Variants in SATB1 observed in about 807,000 individuals in gnomAD.
SATB1 encodes the protein SATB homeobox 1.
SATB1 carries 11 observed loss-of-function variants against 86.9 expected under a neutral mutation model. The ratio of observed to expected loss-of-function variants is 0.13; its 90% CI spans 0.08 to 0.21. SATB1 has a LOEUF of 0.21. Among genes scored for constraint, SATB1 ranks in the 10% least tolerant of loss-of-function variants. The probability of loss-of-function intolerance (pLI) is 1.00; values close to 1 mark genes in which losing one functional copy is unlikely to be tolerated. For missense variants in SATB1, 551 were observed against 937.6 expected (o/e 0.59, Z 5.39); for synonymous variants, 357 against 357.2 (o/e 1.00, Z 0.01).
At chr3:18,350,284 G>T (rs11915193) in intron 10 of SATB1, 2 of 152,422 alleles carry the variant, frequency 1.3e-5, no homozygotes, top group African/African-American at 2.4e-5. Flanking sequence ...ATTTCTTACC[G>T]AATTGCACTA....
rs2125179893 is a variant in SATB1, at chr3:18,424,163, A to T, written c.-561T>A. On this transcript the variant is annotated 5_prime_UTR_variant, in exon 1 of 11. Coordinates refer to ENST00000338745, the MANE Select transcript of SATB1 (RefSeq NM_002971.6). ...CTGCGGACAAGGTCTCCAAAAAGGA[A>T]AAAAGGTCTCTTCGCGTCTCTCCCT... 6.6e-6 allele frequency: 1 copy of T among 152,170 alleles called. No homozygotes were observed. The highest frequency in any genetic ancestry group is 1.9e-4 in the East Asian group (1 of 5,172). The allele number at this position is 152,170 out of a possible 1,614,324, so 9.4% of individuals were successfully genotyped here.
At chr3:18,403,889 T>C (rs904307939) in intron 5 of SATB1, among the ~76,000 whole-genome samples, 17 of 152,072 alleles carry the variant, frequency 1.1e-4, no homozygotes, top group Non-Finnish European at 2.1e-4. Flanking sequence ...TCATACATTC[T>C]AATCTCCCAC....
At chr3:18,426,186 C>T (rs1245603019), upstream of SATB1, among the ~76,000 whole-genome samples, 1 of 152,158 alleles carries the variant, frequency 6.6e-6, no homozygotes, top group Non-Finnish European at 1.5e-5. The surrounding 1 kb of genome is among the most constrained non-coding windows in gnomAD (Gnocchi z 4.2). Flanking sequence ...TGTTTATCCT[C>T]TAAGGAGGGT....
chr3:18,404,246 G>C (rs1321531373), intron 5 of SATB1, among the ~76,000 whole-genome samples: 2 of 152,138 alleles, frequency 1.3e-5, no homozygotes, highest in East Asian at 3.9e-4. Context: ...TATTCTGTTT[G>C]TGCTTGTCAG....
In SATB1 at chr3:18,345,641, AG is replaced by A. The variant is rs1694014808; in HGVS notation, c.*3528del. 6.6e-6 allele frequency: 1 copy of A among 152,122 alleles called. No homozygotes were observed. Among genetic ancestry groups the A allele is most frequent in the Non-Finnish European group, 1.5e-5 (1 of 67,974 alleles). 9.4% of individuals were successfully genotyped at this position (152,122 alleles called of 1,614,324 possible). On this transcript the variant is annotated 3_prime_UTR_variant, in exon 11 of 11. Coordinates refer to ENST00000338745, the MANE Select transcript of SATB1 (RefSeq NM_002971.6). Reference sequence around the variant, plus strand: ...GTCAAAAATATGCATAAAGAAGACTAGTATTGATATTTTCTGATATTTTAGA... The same window carrying A: ...GTCAAAAATATGCATAAAGAAGACTATATTGATATTTTCTGATATTTTAGA...
At chr3:18,422,899 T>A (rs931276723) in intron 1 of SATB1, among the ~76,000 whole-genome samples, 2 of 152,230 alleles carry the variant, frequency 1.3e-5, no homozygotes, top group African/African-American at 4.8e-5. Context: ...ACATTATAAT[T>A]TAATGTATTG....
Position 18,347,142 on chromosome 3 carries a change from T to C in SATB1, c.*2028A>G, listed in dbSNP as rs1694096578. 6.6e-6 allele frequency: 1 copy of C among 152,126 alleles called. No individual in the cohort carries two copies. Among genetic ancestry groups the C allele is most frequent in the Admixed American group, 6.5e-5 (1 of 15,270 alleles). 9.4% of individuals were successfully genotyped at this position (152,126 alleles called of 1,614,324 possible). The stretch of plus-strand genomic sequence containing the variant: ...CAAGTTCAACACTAAAGCAGCCCAG[T>C]TGCCTACCAATAAGCTCATCAGGGC... On this transcript the variant is annotated 3_prime_UTR_variant, in exon 11 of 11. Transcript: ENST00000338745.
At chr3:18,439,799 T>C (rs1699189829), upstream of SATB1, among the ~76,000 whole-genome samples, 1 of 152,194 alleles carries the variant, frequency 6.6e-6, no homozygotes, top group South Asian at 2.1e-4. Context: ...GTTCTGGAAT[T>C]CAACTTTAAC....
Position 18,352,014 on chromosome 3 carries a change from T to C in SATB1, c.1757A>G (p.His586Arg), listed in dbSNP as rs986905164. The change falls in exon 10 of 11, where the codon CAT becomes CGT. Residue 586 changes from histidine to arginine, a missense_variant. His to Arg is a conservative substitution (Grantham distance 29). Around this residue, in one of 8 missense-constraint regions of SATB1, gnomAD observed 87 missense variants for 103.6 expected, o/e 0.84. Transcript: ENST00000338745. The surrounding 1 kb of genome is among the most constrained non-coding windows in gnomAD (Gnocchi z 4.1). ...AACCTGAATCTGCTCTGCTGGAACA[T>C]GGATAATGTGGGGCGGCCTGTCGCC... ...HHGDRPPHII[H>R]VPAEQIQQQQ... 1 of 1,614,220 alleles carries C rather than the reference T, an allele frequency of 6.2e-7. No individual in the cohort carries two copies. The highest frequency in any genetic ancestry group is 8.5e-7 in the Non-Finnish European group (1 of 1,180,034).
intron 2 of SATB1, among the ~76,000 whole-genome samples, chr3:18,417,955 A>T (rs2125165193): frequency 6.6e-6 from 1 of 152,292 alleles, no homozygotes; most frequent in Middle Eastern, 3.4e-3. Flanking sequence ...CACCGGCCAC[A>T]CTACTATTAG....
At chr3:18,440,574 GTAAA>G (rs1699215573), upstream of SATB1, among the ~76,000 whole-genome samples, 1 of 152,106 alleles carries the variant, frequency 6.6e-6, no homozygotes, top group South Asian at 2.1e-4. Flanking sequence ...TTAATGCAGC[GTAAA>G]TAAACAGTAG....
intron 9 of SATB1, among the ~76,000 whole-genome samples, chr3:18,366,615 C>G (rs1695200614): frequency 6.6e-6 from 1 of 152,138 alleles, no homozygotes; most frequent in African/African-American, 2.4e-5. Flanking sequence ...AAACCAAGCC[C>G]ATTCCCCAAT....
intron 5 of SATB1, among the ~76,000 whole-genome samples, chr3:18,407,584 T>G (rs1452446326): frequency 1.3e-5 from 2 of 152,030 alleles, no homozygotes; most frequent in African/African-American, 4.8e-5. Flanking sequence ...GAGACATTGG[T>G]ACTATTATCT....
At chr3:18,442,215 T>C (rs1250977497), upstream of SATB1, among the ~76,000 whole-genome samples, 1 of 151,982 alleles carries the variant, frequency 6.6e-6, no homozygotes, top group Non-Finnish European at 1.5e-5. Flanking sequence ...AAGGAGGTAG[T>C]ACTTTAGGAG....
At chr3:18,411,198 T>C (rs1697815774) in intron 5 of SATB1, 3 of 322,992 alleles carry the variant, frequency 9.3e-6, no homozygotes, top group Non-Finnish European at 1.7e-5. Flanking sequence ...CTTAAAGATA[T>C]CTTTTCCAGG....
At chr3:18,367,498 G>A (rs975981355) in intron 9 of SATB1, among the ~76,000 whole-genome samples, 1 of 152,156 alleles carries the variant, frequency 6.6e-6, no homozygotes, top group African/African-American at 2.4e-5. Flanking sequence ...GATAAAGTTT[G>A]TAACACTTCT....
At chr3:18,380,427 T>A (rs1695987709) in intron 8 of SATB1, among the ~76,000 whole-genome samples, 1 of 151,164 alleles carries the variant, frequency 6.6e-6, no homozygotes, top group Admixed American at 6.6e-5. Context: ...TCTAAAAACT[T>A]CTTTGGTTAA....
chr3:18,399,894 C>A (rs1697162895), intron 5 of SATB1, among the ~76,000 whole-genome samples: 1 of 151,932 alleles, frequency 6.6e-6, no homozygotes, highest in Non-Finnish European at 1.5e-5. Context: ...GCTCCTATAG[C>A]CACTTCATGA....
intron 2 of SATB1, chr3:18,417,762 AAGAG>A: frequency 1.5e-6 from 1 of 674,468 alleles, no homozygotes. Context: ...CCTAACTAAA[AAGAG>A]AGCACGGTAC....
Sources: allele counts gnomAD v4.1 joint callset (sites outside exome capture counted in the v4.1 genomes callset), GRCh38; gene constraint gnomAD v4.1.1; regional missense constraint gnomAD v4.1.1; non-coding constraint Gnocchi (gnomAD v3.1); transcripts MANE v1.5; gene names NCBI Gene and HGNC (gene_info 2026-07-23, HGNC 2026-07-21).